Variants in CLEC2A observed in about 807,000 individuals in gnomAD.
CLEC2A encodes keratinocyte-associated C-type lectin.
CLEC2A carries 19 observed loss-of-function variants against 18.6 expected under a neutral mutation model. The observed-to-expected ratio is 1.02, with a 90% confidence interval of 0.71 to 1.50. CLEC2A has a LOEUF of 1.50. CLEC2A is among the 40% of genes most tolerant of loss of function. The probability of loss-of-function intolerance (pLI) is 0.00; values close to 1 mark genes in which losing one functional copy is unlikely to be tolerated. For missense variants in CLEC2A, 190 were observed against 207.9 expected, an observed-to-expected ratio of 0.91 and a Z score of 0.53; for synonymous variants, 74 against 64.0, an observed-to-expected ratio of 1.16 and a Z score of -0.75.
In CLEC2A at chr12:9,924,061, A is replaced by G. The variant is rs537542846; in HGVS notation, c.140-1829T>C. 2.5e-3 allele frequency among the ~76,000 whole-genome samples: 378 copies of G among 152,208 alleles called. 7 individuals are homozygous for G. The highest frequency in any genetic ancestry group is 8.8e-3 in the African/African-American group (364 of 41,486). Reference sequence around the variant, plus strand: ...GCACACCAACATGGCACATGTATACATATGTAACACAAACCTGCACATTGT... The same window carrying G: ...GCACACCAACATGGCACATGTATACGTATGTAACACAAACCTGCACATTGT... On this transcript the variant is annotated intron_variant, in intron 2 of 4. Coordinates refer to ENST00000455827, the MANE Select transcript of CLEC2A (RefSeq NM_001130711.2).
intron 1 of CLEC2A, among the ~76,000 whole-genome samples, chr12:9,928,554 A>G (rs1160788129): frequency 6.6e-6 from 1 of 152,222 alleles, no homozygotes; most frequent in African/African-American, 2.4e-5. Context: ...TGTTGTGAAT[A>G]TAAATATGCA....
chr12:9,893,070 T>C, the CLEC2A span: 164 of 1,535,822 alleles, frequency 1.1e-4, no homozygotes, highest in Admixed American at 1.4e-4. Flanking sequence ...AGGGAAATGT[T>C]ACTGGTTTTC....
chr12:9,891,589 G>A, the CLEC2A span, among the ~76,000 whole-genome samples: 1 of 152,142 alleles, frequency 6.6e-6, no homozygotes, highest in Admixed American at 6.6e-5. Context: ...GGAGGTATAT[G>A]AGAGGTCATT....
At chr12:9,909,219 G>C (rs1386359988), downstream of CLEC2A, among the ~76,000 whole-genome samples, 3 of 152,186 alleles carry the variant, frequency 2.0e-5, no homozygotes, top group African/African-American at 7.2e-5. Context: ...GTCTGAGACA[G>C]AGTCTGAGTC....
At chr12:9,888,000 G>A in the CLEC2A span, among the ~76,000 whole-genome samples, 2 of 141,370 alleles carry the variant, frequency 1.4e-5, no homozygotes, top group East Asian at 4.5e-4. Context: ...ATGTTGCAGT[G>A]AGCCATGATG....
At chr12:9,912,434 G>A (rs887849465), downstream of CLEC2A, among the ~76,000 whole-genome samples, 3 of 152,094 alleles carry the variant, frequency 2.0e-5, no homozygotes, top group African/African-American at 7.2e-5. Context: ...TTGGGGGCAT[G>A]TTTCCCCCAC....
rs535683750 is a variant in CLEC2A, at chr12:9,906,330, C to G, written c.411-7354G>C. Among the ~76,000 whole-genome samples the G allele has an allele frequency of 1.1e-4, 17 of 152,292 alleles. No homozygotes were observed. The South Asian group carries it at 3.5e-3, about 32-fold the overall frequency. On this transcript the variant is annotated intron_variant, in intron 4 of 4. Transcript: ENST00000339766. ...CAAGGGGTTAAGTGAAAAACAAGCA[C>G]TTCAGAGGAAATAGCAGCCTGTTTG... is the stretch of plus-strand genomic sequence containing the variant.
intron 2 of CLEC2A, 88 bp from the exon 3 acceptor site, chr12:9,922,320 T>C (rs1863187515): frequency 1.7e-6 from 2 of 1,209,174 alleles, no homozygotes; most frequent in Non-Finnish European, 1.1e-6. Flanking sequence ...ACTTTTTGCT[T>C]CCACAGTTTG....
the CLEC2A span, among the ~76,000 whole-genome samples, chr12:9,892,615 G>A: frequency 2.2e-3 from 263 of 117,760 alleles, 1 homozygote; most frequent in African/African-American, 7.5e-3. Context: ...ACAGAGTTTC[G>A]CTCTTGTTGC....
chr12:9,900,979 G>C (rs755414475), intron 4 of CLEC2A, among the ~76,000 whole-genome samples: 12 of 151,974 alleles, frequency 7.9e-5, no homozygotes, highest in Non-Finnish European at 1.3e-4. Context: ...GAGGAACCAG[G>C]CAGAGAGAAA....
In CLEC2A at chr12:9,913,369, A is replaced by G; in HGVS notation, c.*197T>C. 1.1e-6 allele frequency: 1 copy of G among 897,906 alleles called. No individual in the cohort carries two copies. Among genetic ancestry groups the G allele is most frequent in the Non-Finnish European group, 1.6e-6 (1 of 638,714 alleles). 55.6% of individuals were successfully genotyped at this position (897,906 alleles called of 1,614,324 possible). On this transcript the variant is annotated 3_prime_UTR_variant, in exon 5 of 5. Coordinates refer to ENST00000455827, the MANE Select transcript of CLEC2A (RefSeq NM_001130711.2). ...CCATAGTAAATGTGATTGTGCCCTTATAAAAGGCTCCAGAGAACGGCCTTG... is the reference window on the plus strand; with the variant it reads ...CCATAGTAAATGTGATTGTGCCCTTGTAAAAGGCTCCAGAGAACGGCCTTG...
the CLEC2A span, chr12:9,888,816 G>A: frequency 7.5e-7 from 1 of 1,337,332 alleles, no homozygotes; most frequent in Non-Finnish European, 1.0e-6. Context: ...GCTACTCTTA[G>A]GGGTAAATTT....
At chr12:9,898,890 G>A in exon 5 of CLEC2A, 1 of 713,132 alleles carries the variant, frequency 1.4e-6, no homozygotes, top group Non-Finnish European at 2.6e-6. Flanking sequence ...GGCAGTCAGA[G>A]CTCCCTCAGA....
chr12:9,899,786 A>G (rs1862800930), intron 4 of CLEC2A, among the ~76,000 whole-genome samples: 1 of 152,218 alleles, frequency 6.6e-6, no homozygotes, highest in Non-Finnish European at 1.5e-5. Flanking sequence ...TCCATGAACC[A>G]GGAAGCTTGG....
downstream of CLEC2A, among the ~76,000 whole-genome samples, chr12:9,894,652 A>T (rs1455800863): frequency 1.3e-5 from 2 of 152,158 alleles, no homozygotes; most frequent in Non-Finnish European, 2.9e-5. Flanking sequence ...AAAACACTTG[A>T]GATGTGGTAA....
At chr12:9,927,707 C>T (rs1863299214) in intron 1 of CLEC2A, among the ~76,000 whole-genome samples, 1 of 152,044 alleles carries the variant, frequency 6.6e-6, no homozygotes, top group Non-Finnish European at 1.5e-5. Flanking sequence ...AAAGTAATTT[C>T]AAGACTGGAT....
the CLEC2A span, chr12:9,893,029 A>G: frequency 2.0e-6 from 3 of 1,535,232 alleles, no homozygotes; most frequent in East Asian, 7.3e-5. Flanking sequence ...GGACACAATT[A>G]CTTGTGCCCA....
intron 4 of CLEC2A, among the ~76,000 whole-genome samples, chr12:9,908,075 G>A (rs1007381817): frequency 6.6e-5 from 10 of 152,300 alleles, no homozygotes; most frequent in Admixed American, 2.6e-4. Context: ...CAAGAAGCCC[G>A]TCTTGAATGA....
downstream of CLEC2A, among the ~76,000 whole-genome samples, chr12:9,911,997 C>T (rs115762057): frequency 0.015 from 2,296 of 152,214 alleles, 48 homozygotes; most frequent in African/African-American, 0.051. Flanking sequence ...AAGACTAGCC[C>T]CACAAATCCT....
Sources: allele counts gnomAD v4.1 joint callset (sites outside exome capture counted in the v4.1 genomes callset), GRCh38; gene constraint gnomAD v4.1.1; transcripts MANE v1.5; gene names NCBI Gene and HGNC (gene_info 2026-07-23, HGNC 2026-07-21).